The following MTHFS variants were observed in gnomAD, a reference collection of about 807,000 sequenced individuals.
MTHFS encodes methenyltetrahydrofolate synthetase.
MTHFS carries 7 observed loss-of-function variants against 12.7 expected under a neutral mutation model. That is an observed-to-expected ratio of 0.55 (90% CI 0.31 to 1.03). MTHFS has a LOEUF of 1.03. Among genes scored for constraint, MTHFS ranks in the 50% least tolerant of loss-of-function variants. MTHFS has a pLI of 0.05. For missense variants in MTHFS, 252 were observed against 258.1 expected, an observed-to-expected ratio of 0.98 and a Z score of 0.16; for synonymous variants, 100 against 97.1, an observed-to-expected ratio of 1.03 and a Z score of -0.18.
At chr15:79,896,696 G>A (rs1396818752) in intron 1 of MTHFS, 176 bp downstream of exon 1, 1 of 1,183,160 alleles carries the variant, frequency 8.5e-7, no homozygotes. Context: ...TGCCAAGAGC[G>A]TCCAGACCAC....
intron 2 of MTHFS, among the ~76,000 whole-genome samples, chr15:79,885,660 T>C (rs2034369542): frequency 1.3e-5 from 2 of 152,210 alleles, no homozygotes; most frequent in Admixed American, 1.3e-4. Context: ...TCTCTGGCCA[T>C]AGTGATTAAT....
intron 2 of MTHFS, among the ~76,000 whole-genome samples, chr15:79,854,769 C>T (rs781186009): frequency 3.3e-5 from 5 of 152,156 alleles, no homozygotes; most frequent in Non-Finnish European, 7.3e-5. Flanking sequence ...CTTAAGCCTA[C>T]TACGTTGTCT....
intron 2 of MTHFS, among the ~76,000 whole-genome samples, chr15:79,853,138 C>T (rs1596062684): frequency 6.6e-6 from 1 of 152,034 alleles, no homozygotes; most frequent in Non-Finnish European, 1.5e-5. Flanking sequence ...AGGAAGGATA[C>T]GAAAGAAGAG....
intron 2 of MTHFS, among the ~76,000 whole-genome samples, chr15:79,872,103 CA>C (rs58835744): frequency 0.15 from 10,217 of 66,316 alleles, 148 homozygotes; most frequent in Middle Eastern, 0.19. Flanking sequence ...GACTCCGTCT[CA>C]AAAAAAAAAA....
chr15:79,870,521 A>G (rs1303692458), intron 2 of MTHFS, among the ~76,000 whole-genome samples: 2 of 152,368 alleles, frequency 1.3e-5, no homozygotes, highest in East Asian at 3.9e-4. Flanking sequence ...ACTGATGTGT[A>G]CAAAGACAGC....
intron 2 of MTHFS, among the ~76,000 whole-genome samples, chr15:79,861,096 C>T (rs1043676412): frequency 2.0e-5 from 3 of 152,186 alleles, no homozygotes; most frequent in Non-Finnish European, 2.9e-5. Context: ...TATGCACTGG[C>T]ATTGTACTAA....
In MTHFS at chr15:79,874,053, A is replaced by T. The variant is rs943480120; in HGVS notation, c.379+15040T>A. Reference sequence around the variant, plus strand: ...TGCTAAAACTTGAATGCACTCTGCAACTCACAGACAGATCAATCAGTGGAG... The same window carrying T: ...TGCTAAAACTTGAATGCACTCTGCATCTCACAGACAGATCAATCAGTGGAG... On this transcript the variant is annotated intron_variant, in intron 2 of 2. Coordinates refer to ENST00000258874, the MANE Select transcript of MTHFS (RefSeq NM_006441.4). Among the ~76,000 whole-genome samples, 7 of 152,218 alleles carry T rather than the reference A, an allele frequency of 4.6e-5. 1 individual carries two copies. Among genetic ancestry groups the T allele is most frequent in the African/African-American group, 1.7e-4 (7 of 41,460 alleles).
At chr15:79,891,431 G>A (rs2034470063) in intron 1 of MTHFS, among the ~76,000 whole-genome samples, 1 of 152,244 alleles carries the variant, frequency 6.6e-6, no homozygotes, top group East Asian at 1.9e-4. Context: ...ACACACTCAA[G>A]AAGATAACTG....
intron 2 of MTHFS, among the ~76,000 whole-genome samples, chr15:79,871,629 A>AC (rs2034107591): frequency 6.6e-6 from 1 of 152,068 alleles, no homozygotes; most frequent in Admixed American, 6.5e-5. Flanking sequence ...TGAATAAAAA[A>AC]ATTATACAAA....
At chr15:79,885,091 C>T (rs778252442) in intron 2 of MTHFS, among the ~76,000 whole-genome samples, 1 of 152,270 alleles carries the variant, frequency 6.6e-6, no homozygotes, top group Non-Finnish European at 1.5e-5. Flanking sequence ...TTCTTGCAGA[C>T]GCCATGCAAC....
chr15:79,896,298 C>A (rs999819668), intron 1 of MTHFS, among the ~76,000 whole-genome samples: 1 of 152,216 alleles, frequency 6.6e-6, no homozygotes, highest in African/African-American at 2.4e-5. Flanking sequence ...ACAGCCTTAG[C>A]CCTCCATATG....
intron 2 of MTHFS, among the ~76,000 whole-genome samples, chr15:79,852,613 C>A (rs1392028013): frequency 1.3e-5 from 2 of 152,156 alleles, no homozygotes; most frequent in African/African-American, 2.4e-5. Context: ...ATCACTTCTG[C>A]ATTCTTACTA....
intron 2 of MTHFS, among the ~76,000 whole-genome samples, chr15:79,863,622 G>C (rs910261220): frequency 6.6e-6 from 1 of 152,206 alleles, no homozygotes; most frequent in African/African-American, 2.4e-5. Flanking sequence ...TTCCCTGGTA[G>C]TTATGTATGA....
At chr15:79,894,366 G>T (rs2034529143) in intron 1 of MTHFS, among the ~76,000 whole-genome samples, 1 of 152,086 alleles carries the variant, frequency 6.6e-6, no homozygotes, top group Non-Finnish European at 1.5e-5. Flanking sequence ...GGGCGACAGA[G>T]CAAGACTCTG....
At chr15:79,873,936 C>T (rs941521548) in intron 2 of MTHFS, among the ~76,000 whole-genome samples, 1 of 152,164 alleles carries the variant, frequency 6.6e-6, no homozygotes, top group African/African-American at 2.4e-5. Flanking sequence ...TAAACTCTTC[C>T]TACATACCTG....
At position 79,857,383 on chromosome 15, in the gene MTHFS, A is replaced by G. The variant is rs1355646680; in HGVS notation, c.380-11941T>C. Among the ~76,000 whole-genome samples the G allele has an allele frequency of 2.6e-5, 4 of 151,912 alleles. No individual in the cohort carries two copies. In the East Asian group the frequency reaches 7.7e-4, roughly 29 times the overall value. On this transcript the variant is annotated intron_variant, in intron 2 of 2. Coordinates refer to ENST00000258874, the MANE Select transcript of MTHFS (RefSeq NM_006441.4). ...TGGAAACTTCTTCCTGTCTTTCACC[A>G]TTTTTTTACTGAACTGTTAAATGAG...
intron 1 of MTHFS, among the ~76,000 whole-genome samples, chr15:79,890,474 C>A (rs2034456212): frequency 1.3e-5 from 2 of 151,962 alleles, no homozygotes; most frequent in Admixed American, 1.3e-4. Context: ...ACTGATCCAC[C>A]CACCTGGACC....
At position 79,885,525 on chromosome 15, in the gene MTHFS, G is replaced by A. The variant is rs1596080200; in HGVS notation, c.379+3568C>T. Among the ~76,000 whole-genome samples, 3 of 152,220 alleles carry A rather than the reference G, an allele frequency of 2.0e-5. No individual in the cohort carries two copies. The East Asian group carries it at 5.8e-4, about 29-fold the overall frequency. ...TACTCTCAGCTCAGTGGTTTGGGTA[G>A]GGCTGCCGAGCTGGGCATATGACCT... is the stretch of plus-strand genomic sequence containing the variant. On this transcript the variant is annotated intron_variant, in intron 2 of 2. Transcript: ENST00000258874.
intron 1 of MTHFS, among the ~76,000 whole-genome samples, chr15:79,896,150 A>T (rs917526296): frequency 1.3e-5 from 2 of 152,106 alleles, no homozygotes; most frequent in African/African-American, 4.8e-5. Context: ...TATTCCTCTC[A>T]TTTCTCTCTT....
Sources: allele counts gnomAD v4.1 joint callset (sites outside exome capture counted in the v4.1 genomes callset), GRCh38; gene constraint gnomAD v4.1.1; transcripts MANE v1.5; gene names NCBI Gene and HGNC (gene_info 2026-07-23, HGNC 2026-07-21).